STXBP5L: variants seen among roughly 807,000 people sequenced by gnomAD.
STXBP5L encodes syntaxin-binding protein 5-like.
STXBP5L carries 65 observed loss-of-function variants against 144.5 expected under a neutral mutation model. The observed-to-expected ratio is 0.45, with a 90% CI of 0.37 to 0.55. The LOEUF (loss-of-function observed/expected upper bound fraction) is 0.55. Among genes scored for constraint, STXBP5L ranks in the 20% least tolerant of loss-of-function variants. The probability of loss-of-function intolerance (pLI) is 0.00; values close to 1 mark genes in which losing one functional copy is unlikely to be tolerated. For synonymous variants in STXBP5L, 505 were observed against 469.6 expected, an observed-to-expected ratio of 1.08 and a Z score of -0.97; for missense variants, 1,298 against 1,405.5, an observed-to-expected ratio of 0.92 and a Z score of 1.22.
At chr3:121,216,060 T>G (rs959049198) in intron 10 of STXBP5L, among the ~76,000 whole-genome samples, 1 of 152,128 alleles carries the variant, frequency 6.6e-6, no homozygotes, top group African/African-American at 2.4e-5. Flanking sequence ...TATCTTCTTC[T>G]CTAAACTGGT....
intron 3 of STXBP5L, among the ~76,000 whole-genome samples, chr3:121,003,078 G>A (rs1266005691): frequency 2.0e-5 from 3 of 152,110 alleles, no homozygotes; most frequent in Admixed American, 1.3e-4. Flanking sequence ...CCCAGTAATG[G>A]GATGGCTGGG....
intron 20 of STXBP5L, among the ~76,000 whole-genome samples, chr3:121,338,686 AGAAGGAAG>A (rs565348805): frequency 1.3e-5 from 2 of 151,728 alleles, no homozygotes; most frequent in East Asian, 3.9e-4. Flanking sequence ...GAGGAAGGAA[AGAAGGAAG>A]GAAGGAAGGA....
Position 121,314,584 on chromosome 3 carries a change from GGAGGGAGAGGGAGAGGGAGAGGGA to G in STXBP5L, c.2111-3863_2111-3840del, listed in dbSNP as rs201065950. Among the ~76,000 whole-genome samples the G allele has an allele frequency of 4.9e-4, 64 of 129,462 alleles. No homozygotes were observed. The South Asian group carries it at 9.1e-3, about 18-fold the overall frequency. 84.9% of individuals were successfully genotyped at this position (129,462 alleles called of 152,430 possible). On this transcript the variant is annotated intron_variant, in intron 19 of 26. Transcript: ENST00000471454. ...TGGCTCGGCATCAGAGGGAGACCGT[GGAGGGAGAGGGAGAGGGAGAGGGA>G]GAGGGAGAGGGAGAGGGAGAGGGAG...
chr3:120,952,537 C>T (rs1304357701), intron 2 of STXBP5L, among the ~76,000 whole-genome samples: 1 of 151,908 alleles, frequency 6.6e-6, no homozygotes, highest in Non-Finnish European at 1.5e-5. Flanking sequence ...TTTAAGTCCT[C>T]ATAAAAGCCT....
chr3:121,072,905 C>T (rs2041866525), intron 5 of STXBP5L, among the ~76,000 whole-genome samples: 1 of 152,162 alleles, frequency 6.6e-6, no homozygotes, highest in South Asian at 2.1e-4. Context: ...TGCAAAGTGG[C>T]AAAAGCATGC....
intron 3 of STXBP5L, among the ~76,000 whole-genome samples, chr3:121,024,590 T>A (rs1470432676): frequency 2.0e-5 from 3 of 152,220 alleles, no homozygotes; most frequent in Non-Finnish European, 4.4e-5. Context: ...ACTTCTTTTC[T>A]GTGAAGCCCC....
chr3:120,927,506 G>A (rs1186715103), intron 2 of STXBP5L, among the ~76,000 whole-genome samples: 2 of 152,212 alleles, frequency 1.3e-5, no homozygotes, highest in Admixed American at 6.5e-5. Context: ...TAGAGACAGG[G>A]CTCCTGTTAG....
chr3:121,025,226 G>A (rs1490502925), intron 3 of STXBP5L, among the ~76,000 whole-genome samples: 1 of 152,048 alleles, frequency 6.6e-6, no homozygotes, highest in African/African-American at 2.4e-5. Context: ...TGAAGAAGTA[G>A]GAAATGCTTC....
At chr3:121,397,700 T>G (rs1576352703) in intron 22 of STXBP5L, among the ~76,000 whole-genome samples, 1 of 152,230 alleles carries the variant, frequency 6.6e-6, no homozygotes, top group East Asian at 1.9e-4. Flanking sequence ...ATAATTGTTC[T>G]GGAATTAGAA....
At chr3:121,317,336 G>C (rs1027793921) in intron 19 of STXBP5L, among the ~76,000 whole-genome samples, 1 of 152,104 alleles carries the variant, frequency 6.6e-6, no homozygotes, top group Middle Eastern at 3.2e-3. Flanking sequence ...CTATGTTATT[G>C]ACTTACTTCT....
rs1300959427 is a variant in STXBP5L, at chr3:121,207,680, A to C, written c.956+1679A>C. Among the ~76,000 whole-genome samples the C allele has an allele frequency of 3.3e-5, 5 of 152,344 alleles. No individual in the cohort carries two copies. The East Asian group carries it at 9.6e-4, about 29-fold the overall frequency. ...ATCAAAAAGTGGGTGAAGGACATGA[A>C]CAGACATTTCTCAAAAGAAGACATT... On this transcript the variant is annotated intron_variant, in intron 10 of 26. Coordinates refer to ENST00000471454, the MANE Select transcript of STXBP5L (RefSeq NM_001308330.2).
intron 7 of STXBP5L, among the ~76,000 whole-genome samples, chr3:121,140,915 CTA>C (rs2045472835): frequency 6.6e-6 from 1 of 151,994 alleles, no homozygotes; most frequent in Admixed American, 6.6e-5. Context: ...AAAATGATAA[CTA>C]TGTGAGGGAA....
At chr3:121,199,576 G>A (rs1285921177) in intron 9 of STXBP5L, among the ~76,000 whole-genome samples, 1 of 152,146 alleles carries the variant, frequency 6.6e-6, no homozygotes, top group African/African-American at 2.4e-5. Context: ...CAAAGGGAAT[G>A]CTTCCAGCTT....
chr3:120,978,154 C>T (rs2107846334), intron 3 of STXBP5L, among the ~76,000 whole-genome samples: 1 of 152,314 alleles, frequency 6.6e-6, no homozygotes, highest in African/African-American at 2.4e-5. Flanking sequence ...CAACTTGGTT[C>T]CATTCTCCCT....
At chr3:121,232,856 A>T (rs1441607608) in intron 11 of STXBP5L, among the ~76,000 whole-genome samples, 1 of 152,140 alleles carries the variant, frequency 6.6e-6, no homozygotes, top group Admixed American at 6.6e-5. Flanking sequence ...CCATAGGATG[A>T]TGCCAGGAGG....
chr3:121,036,790 T>TTC (rs1560036682), intron 3 of STXBP5L, among the ~76,000 whole-genome samples: 2 of 121,698 alleles, frequency 1.6e-5, no homozygotes, highest in Non-Finnish European at 3.2e-5. Context: ...TTTTTTTTTT[T>TTC]TTATTATACT....
intron 7 of STXBP5L, among the ~76,000 whole-genome samples, chr3:121,126,414 T>G (rs1223742845): frequency 3.9e-5 from 6 of 152,128 alleles, no homozygotes; most frequent in Non-Finnish European, 8.8e-5. Flanking sequence ...CAGTATTGGA[T>G]TTTTGAAGTT....
At chr3:121,097,022 T>G (rs2043165145) in intron 5 of STXBP5L, among the ~76,000 whole-genome samples, 1 of 152,180 alleles carries the variant, frequency 6.6e-6, no homozygotes, top group African/African-American at 2.4e-5. Flanking sequence ...GCTGCTGCCT[T>G]TTTTTCAGAG....
chr3:121,133,840 C>T (rs549918742), intron 7 of STXBP5L, among the ~76,000 whole-genome samples: 45 of 152,196 alleles, frequency 3.0e-4, no homozygotes, highest in African/African-American at 1.1e-3. Flanking sequence ...TACATGGTGA[C>T]AGGTGAGAGA....
Sources: gnomAD v4.1 joint callset for allele counts (sites outside exome capture counted in the v4.1 genomes callset) on GRCh38, gnomAD v4.1.1 for gene constraint, MANE v1.5 for transcripts, NCBI Gene and HGNC (gene_info 2026-07-23, HGNC 2026-07-21) for gene names.